ARHGAP42: variants seen among roughly 807,000 people sequenced by gnomAD.
ARHGAP42 encodes rho GTPase-activating protein 42.
Under a neutral mutation model 125.0 loss-of-function variants are expected in ARHGAP42, and 63 were observed. The ratio of observed to expected loss-of-function variants is 0.50; its 90% confidence interval spans 0.41 to 0.62. ARHGAP42 has a LOEUF of 0.62. ARHGAP42 is among the 20% of genes least tolerant of loss of function. ARHGAP42 has a pLI of 0.00. For synonymous variants in ARHGAP42, 339 were observed against 351.0 expected (o/e 0.97, Z 0.38); for missense variants, 766 against 1,024.2 (o/e 0.75, Z 3.44).
intron 4 of ARHGAP42, among the ~76,000 whole-genome samples, chr11:100,894,972 T>C (rs2135197889): frequency 6.6e-6 from 1 of 152,334 alleles, no homozygotes; most frequent in Non-Finnish European, 1.5e-5. Context: ...TCATGGGAGA[T>C]GTGCCTAGGA....
rs184008939 is a variant in ARHGAP42 at position 100,939,477 on chromosome 11, T to C, written c.833-2307T>C. Among the ~76,000 whole-genome samples, 23 of 152,260 alleles carry C rather than the reference T, an allele frequency of 1.5e-4. 1 individual carries two copies. Among genetic ancestry groups the C allele is most frequent in the Admixed American group, 1.4e-3 (22 of 15,274 alleles). On this transcript the variant is annotated intron_variant, in intron 8 of 23. Coordinates refer to ENST00000298815, the MANE Select transcript of ARHGAP42 (RefSeq NM_152432.4). Reference sequence around the variant, plus strand: ...AAAGAACAACTTCAGTCACATGCCCTATTGATGAAAGTATTGCCATCTGTA... The same window carrying C: ...AAAGAACAACTTCAGTCACATGCCCCATTGATGAAAGTATTGCCATCTGTA...
chr11:100,710,304 T>G (rs1197068456), intron 1 of ARHGAP42, among the ~76,000 whole-genome samples: 2 of 151,942 alleles, frequency 1.3e-5, no homozygotes, highest in African/African-American at 4.8e-5. Flanking sequence ...CTCGGCTCAC[T>G]GTAATCTCCA....
At chr11:100,849,240 A>T (rs995130734) in intron 3 of ARHGAP42, among the ~76,000 whole-genome samples, 4 of 152,140 alleles carry the variant, frequency 2.6e-5, no homozygotes, top group African/African-American at 7.2e-5. Context: ...TCTTCACATG[A>T]TGTAAGACCT....
At chr11:100,967,860 T>C (rs905129638) in intron 17 of ARHGAP42, among the ~76,000 whole-genome samples, 27 of 152,014 alleles carry the variant, frequency 1.8e-4, no homozygotes, top group African/African-American at 5.8e-4. Flanking sequence ...ACTAGAGGCA[T>C]GTGACACCAC....
At chr11:100,735,387 A>T (rs1862045289) in intron 1 of ARHGAP42, among the ~76,000 whole-genome samples, 1 of 151,938 alleles carries the variant, frequency 6.6e-6, no homozygotes. Flanking sequence ...GCCAAAAGTG[A>T]CTCCAATAAT....
At chr11:100,919,215 G>A (rs1867166445) in intron 5 of ARHGAP42, among the ~76,000 whole-genome samples, 1 of 152,160 alleles carries the variant, frequency 6.6e-6, no homozygotes, top group Non-Finnish European at 1.5e-5. Context: ...AGACTTATTG[G>A]AGGCTGGTCA....
intron 4 of ARHGAP42, among the ~76,000 whole-genome samples, chr11:100,894,518 G>A (rs1866295083): frequency 6.6e-6 from 1 of 152,174 alleles, no homozygotes; most frequent in Non-Finnish European, 1.5e-5. Context: ...TGAAAATTGA[G>A]ATTCATTAAG....
chr11:100,807,130 G>A (rs189499782), intron 3 of ARHGAP42, among the ~76,000 whole-genome samples: 2 of 152,006 alleles, frequency 1.3e-5, no homozygotes, highest in African/African-American at 4.8e-5. Flanking sequence ...TTACAGGCAT[G>A]AGGCACCATT....
chr11:100,904,650 C>T (rs1866671835), intron 4 of ARHGAP42, among the ~76,000 whole-genome samples: 1 of 152,090 alleles, frequency 6.6e-6, no homozygotes, highest in African/African-American at 2.4e-5. Context: ...CCTGACCTCC[C>T]CACCTTTTTT....
At chr11:100,879,236 A>G (rs367972563) in intron 4 of ARHGAP42, among the ~76,000 whole-genome samples, 2 of 152,162 alleles carry the variant, frequency 1.3e-5, no homozygotes, top group Non-Finnish European at 2.9e-5. Flanking sequence ...ACTGCTCTGT[A>G]TCACTTTTTT....
chr11:100,793,771 C>G (rs1332213858), intron 2 of ARHGAP42, among the ~76,000 whole-genome samples: 2 of 152,004 alleles, frequency 1.3e-5, no homozygotes, highest in Non-Finnish European at 2.9e-5. Flanking sequence ...GAGTAGGAAT[C>G]TAACAAATAA....
At chr11:100,695,230 A>G (rs541675804) in intron 1 of ARHGAP42, among the ~76,000 whole-genome samples, 26 of 152,226 alleles carry the variant, frequency 1.7e-4, no homozygotes, top group Non-Finnish European at 3.1e-4. Context: ...CAGGGCAGTC[A>G]ATGGAAATGT....
In ARHGAP42 at chr11:100,989,241, GT is replaced by G. The variant is rs985662221; in HGVS notation, c.*450del. 1,723 of 362,092 alleles carry G rather than the reference GT, an allele frequency of 4.8e-3. 30 individuals are homozygous for G. Among genetic ancestry groups the G allele is most frequent in the African/African-American group, 0.032 (1,492 of 46,606 alleles). The allele number at this position is 362,092 out of a possible 1,614,324, so 22.4% of individuals were successfully genotyped here. A position where few individuals can be genotyped will look rare whatever the true frequency, so the allele number is the denominator to read the frequency against. Reference sequence around the variant, plus strand: ...ATGTAATTTAAATTGTTCATTTATTGTTTTTTTTTTCTTAGAAATATACTGC... The same window carrying G: ...ATGTAATTTAAATTGTTCATTTATTGTTTTTTTTTCTTAGAAATATACTGC... On this transcript the variant is annotated 3_prime_UTR_variant, in exon 24 of 24. Transcript: ENST00000298815.
At chr11:100,981,329 A>G (rs1442969512) in intron 22 of ARHGAP42, among the ~76,000 whole-genome samples, 1 of 152,228 alleles carries the variant, frequency 6.6e-6, no homozygotes, top group Admixed American at 6.5e-5. Context: ...GTATTTAAAC[A>G]CTAACTCTTA....
At chr11:100,865,169 G>T (rs1865539457) in intron 4 of ARHGAP42, among the ~76,000 whole-genome samples, 1 of 152,026 alleles carries the variant, frequency 6.6e-6, no homozygotes, top group Admixed American at 6.5e-5. Context: ...TGGTCCCTTT[G>T]TTCTGTCCAT....
intron 3 of ARHGAP42, among the ~76,000 whole-genome samples, chr11:100,847,133 A>G (rs1021908595): frequency 3.3e-5 from 5 of 152,184 alleles, no homozygotes; most frequent in African/African-American, 1.2e-4. Flanking sequence ...CCCTCCCACT[A>G]ACAACCTCCA....
At chr11:100,786,379 A>G (rs115411774) in intron 2 of ARHGAP42, among the ~76,000 whole-genome samples, 2,235 of 152,324 alleles carry the variant, frequency 0.015, 56 homozygotes, top group African/African-American at 0.051. Context: ...ATTTGAAGTA[A>G]TAAGATAGTG....
chr11:100,957,699 C>G (rs772222025), intron 12 of ARHGAP42, among the ~76,000 whole-genome samples: 1 of 152,046 alleles, frequency 6.6e-6, no homozygotes, highest in Non-Finnish European at 1.5e-5. Context: ...AGTACAGGAT[C>G]CATGGAATAT....
chr11:100,946,837 C>G (rs1310177165), intron 10 of ARHGAP42, among the ~76,000 whole-genome samples: 5 of 151,938 alleles, frequency 3.3e-5, no homozygotes, highest in Admixed American at 3.3e-4. Flanking sequence ...AGCAAACGCT[C>G]TTGGAAAAAT....
Sources: gnomAD v4.1 joint callset for allele counts (sites outside exome capture counted in the v4.1 genomes callset) on GRCh38, gnomAD v4.1.1 for gene constraint, MANE v1.5 for transcripts, NCBI Gene and HGNC (gene_info 2026-07-23, HGNC 2026-07-21) for gene names.